Variants in ARID1B observed in about 807,000 individuals in gnomAD.
ARID1B encodes the protein AT-rich interaction domain 1B.
In ARID1B, 30 loss-of-function variants were observed where a neutral mutation model predicts 212.3. That is an observed-to-expected ratio of 0.14 (90% CI 0.11 to 0.19). The LOEUF (loss-of-function observed/expected upper bound fraction) is 0.19. Among genes scored for constraint, ARID1B ranks in the 10% least tolerant of loss-of-function variants. The pLI is 1.00. For missense variants in ARID1B, 2,891 were observed against 3,204.0 expected (o/e 0.90, Z 2.36); for synonymous variants, 1,402 against 1,301.7 (o/e 1.08, Z -1.66).
chr6:156,944,604 T>C (rs1266237108), intron 4 of ARID1B, among the ~76,000 whole-genome samples: 1 of 152,162 alleles, frequency 6.6e-6, no homozygotes, highest in Non-Finnish European at 1.5e-5. Context: ...ATGCAAAGGC[T>C]AATGCCAACC....
At chr6:156,993,919 A>G (rs1267068618) in intron 4 of ARID1B, among the ~76,000 whole-genome samples, 1 of 152,232 alleles carries the variant, frequency 6.6e-6, no homozygotes, top group African/African-American at 2.4e-5. Context: ...TGAATAGGTA[A>G]TATAAATATC....
At chr6:157,046,259 A>G (rs938452442) in intron 4 of ARID1B, among the ~76,000 whole-genome samples, 2 of 152,196 alleles carry the variant, frequency 1.3e-5, no homozygotes, top group Admixed American at 6.5e-5. Context: ...AGAAAAGACA[A>G]GACTGTGAGG....
At chr6:156,873,916 C>T (rs1030680829) in intron 2 of ARID1B, among the ~76,000 whole-genome samples, 2 of 152,210 alleles carry the variant, frequency 1.3e-5, no homozygotes, top group African/African-American at 2.4e-5. Flanking sequence ...CAGATACCCA[C>T]GGCCTCCTCA....
At chr6:156,871,302 AG>A (rs1713518537) in intron 2 of ARID1B, among the ~76,000 whole-genome samples, 1 of 152,246 alleles carries the variant, frequency 6.6e-6, no homozygotes, top group South Asian at 2.1e-4. Flanking sequence ...GGCATCCAGT[AG>A]GTGATGGACA....
intron 4 of ARID1B, among the ~76,000 whole-genome samples, chr6:157,066,903 A>G (rs989471134): frequency 1.3e-5 from 2 of 152,066 alleles, no homozygotes; most frequent in African/African-American, 4.8e-5. Flanking sequence ...TGGGAGTAGA[A>G]AGGAGAAAAA....
At chr6:157,199,587 T>C (rs145845773) in intron 17 of ARID1B, among the ~76,000 whole-genome samples, 1,644 of 149,162 alleles carry the variant, frequency 0.011, 25 homozygotes, top group African/African-American at 0.038. Flanking sequence ...ATATATATGT[T>C]ATATAATTAT....
At chr6:156,997,561 C>T (rs1470719448) in intron 4 of ARID1B, among the ~76,000 whole-genome samples, 2 of 151,946 alleles carry the variant, frequency 1.3e-5, no homozygotes, top group East Asian at 3.9e-4. Context: ...CATGTTTATC[C>T]TCTCTATGTA....
chr6:157,110,136 G>A (rs571852347), intron 5 of ARID1B, among the ~76,000 whole-genome samples: 24 of 152,178 alleles, frequency 1.6e-4, no homozygotes, highest in Middle Eastern at 3.2e-3. Context: ...GTAAGAGTCA[G>A]GAGGATGAGT....
chr6:156,937,268 C>T (rs999924477), intron 4 of ARID1B: 1 of 152,080 alleles, frequency 6.6e-6, no homozygotes, highest in African/African-American at 2.4e-5. Context: ...CTACATTTGC[C>T]AAGTATTTGG....
At chr6:156,853,138 T>G (rs1158399921) in intron 2 of ARID1B, among the ~76,000 whole-genome samples, 1 of 152,232 alleles carries the variant, frequency 6.6e-6, no homozygotes, top group Non-Finnish European at 1.5e-5. Context: ...GGATTAGGAA[T>G]TAGGACTTAA....
intron 6 of ARID1B, 60 bp from the exon 7 acceptor site, chr6:157,132,968 T>C: frequency 6.6e-7 from 1 of 1,520,550 alleles, no homozygotes; most frequent in Non-Finnish European, 8.9e-7. Flanking sequence ...TGTCCATTTT[T>C]ATGTATGCAG....
chr6:156,850,954 G>A (rs989462253), intron 2 of ARID1B, among the ~76,000 whole-genome samples: 1 of 152,200 alleles, frequency 6.6e-6, no homozygotes, highest in Non-Finnish European at 1.5e-5. Context: ...ACAAGTGGTT[G>A]TATGAAGGGA....
At chr6:156,975,483 T>A (rs1320920896) in intron 4 of ARID1B, among the ~76,000 whole-genome samples, 1 of 152,136 alleles carries the variant, frequency 6.6e-6, no homozygotes, top group African/African-American at 2.4e-5. Context: ...AAAAATACCT[T>A]TAATTTTGCT....
chr6:157,174,605 T>C (rs552434639), intron 10 of ARID1B, among the ~76,000 whole-genome samples: 2 of 151,526 alleles, frequency 1.3e-5, no homozygotes, highest in East Asian at 1.9e-4. Context: ...GTAAGCATGG[T>C]GGCGTACTGG....
rs111887732 is a variant in ARID1B at position 157,210,644 on chromosome 6, GT to G, written c.*2764del. ...ATTGCTTTGTCCTAAAAATTAGTCG[GT>G]TTTTTTTTTTCTATGAGGCTTTTCA... On this transcript the variant is annotated 3_prime_UTR_variant, in exon 20 of 20. Coordinates refer to ENST00000636930, the MANE Select transcript of ARID1B (RefSeq NM_001374828.1). 5.6e-3 allele frequency: 1,126 copies of G among 200,328 alleles called. 2 individuals are homozygous for G. The highest frequency in any genetic ancestry group is 6.5e-3 in the Middle Eastern group (4 of 612). The allele number at this position is 200,328 out of a possible 1,614,324, so 12.4% of individuals were successfully genotyped here.
intron 8 of ARID1B, among the ~76,000 whole-genome samples, chr6:157,158,044 C>T (rs748030552): frequency 1.3e-5 from 2 of 152,122 alleles, no homozygotes; most frequent in African/African-American, 4.8e-5. Flanking sequence ...ATAATAATAA[C>T]AAAAAATGCA....
At chr6:156,810,225 AT>A (rs1054303779) in intron 1 of ARID1B, among the ~76,000 whole-genome samples, 21 of 152,180 alleles carry the variant, frequency 1.4e-4, no homozygotes, top group African/African-American at 5.1e-4. Context: ...CATTTCTGCA[AT>A]TTTTTGAGTT....
chr6:156,835,418 T>C (rs1783443885), intron 2 of ARID1B, among the ~76,000 whole-genome samples: 1 of 152,172 alleles, frequency 6.6e-6, no homozygotes, highest in Non-Finnish European at 1.5e-5. Flanking sequence ...TTTAAATCTT[T>C]AGCCTTTTTC....
intron 4 of ARID1B, among the ~76,000 whole-genome samples, chr6:157,042,659 CTT>C (rs35567695): frequency 0.011 from 1,499 of 136,066 alleles, 26 homozygotes; most frequent in Admixed American, 0.05. Context: ...CCCTCCACTC[CTT>C]TTTTTTTTTT....
Sources: gnomAD v4.1 joint callset for allele counts (sites outside exome capture counted in the v4.1 genomes callset) on GRCh38, gnomAD v4.1.1 for gene constraint, MANE v1.5 for transcripts, NCBI Gene and HGNC (gene_info 2026-07-23, HGNC 2026-07-21) for gene names.